EPYC: variants seen among roughly 807,000 people sequenced by gnomAD.
EPYC encodes dermatan sulfate proteoglycan 3.
A neutral mutation model predicts 30.1 loss-of-function variants in EPYC; 28 were observed. That is an observed-to-expected ratio of 0.93 (90% CI 0.69 to 1.28). The LOEUF (loss-of-function observed/expected upper bound fraction) is 1.28, where lower values mean the gene tolerates loss of function less well. Ranked by LOEUF, EPYC falls within the 50% of genes most tolerant of loss-of-function variation. The pLI is 0.00. For synonymous variants in EPYC, 144 were observed against 141.4 expected, an observed-to-expected ratio of 1.02 and a Z score of -0.13; for missense variants, 382 against 383.5, an observed-to-expected ratio of 1.00 and a Z score of 0.03.
intron 1 of EPYC, among the ~76,000 whole-genome samples, chr12:91,004,702 A>C (rs1053999992): frequency 6.6e-6 from 1 of 152,040 alleles, no homozygotes; most frequent in African/African-American, 2.4e-5. Flanking sequence ...AACTACTCTA[A>C]TTTTATTGGC....
intron 2 of EPYC, among the ~76,000 whole-genome samples, chr12:91,001,113 T>C (rs1047936427): frequency 1.3e-5 from 2 of 151,552 alleles, no homozygotes; most frequent in African/African-American, 4.9e-5. Flanking sequence ...AAAGATGAAA[T>C]GAGGGTCAAA....
At chr12:90,989,045 A>G (rs896176753) in intron 2 of EPYC, among the ~76,000 whole-genome samples, 5 of 152,128 alleles carry the variant, frequency 3.3e-5, no homozygotes, top group Admixed American at 6.6e-5. Flanking sequence ...TTCTGACACA[A>G]TACTTATTTC....
intron 3 of EPYC, among the ~76,000 whole-genome samples, chr12:90,973,230 A>G (rs1877098923): frequency 6.6e-6 from 1 of 152,184 alleles, no homozygotes; most frequent in African/African-American, 2.4e-5. Context: ...GAAATTCTAT[A>G]TTCAAAATTT....
chr12:91,004,486 T>G (rs889862538), intron 1 of EPYC, among the ~76,000 whole-genome samples: 1 of 152,092 alleles, frequency 6.6e-6, no homozygotes, highest in African/African-American at 2.4e-5. Context: ...ATTTTAAAAT[T>G]TGTGTATTTA....
chr12:91,002,462 G>A lies in EPYC; in HGVS notation c.104C>T (p.Ala35Val), dbSNP rs754678360. Reference protein sequence around the residue: ...SINYDSETYDATLEDLDNLYN... With the variant: ...SINYDSETYDVTLEDLDNLYN... ...CAAATTATCCAGGTCTTCTAAGGTG[G>A]CATCATAGGTTTCTGAGTCATAGTT... Residue 35 changes from alanine (A) to valine (V), a missense_variant, in exon 2 of 7, where the codon GCC becomes GTC. Transcript: ENST00000261172. The A allele has an allele frequency of 3.1e-6, 5 of 1,613,228 alleles. No individual in the cohort carries two copies. Among genetic ancestry groups the A allele is most frequent in the Non-Finnish European group, 4.2e-6 (5 of 1,179,534 alleles).
intron 2 of EPYC, among the ~76,000 whole-genome samples, chr12:90,980,813 G>A (rs953587643): frequency 6.6e-6 from 1 of 151,924 alleles, no homozygotes; most frequent in Non-Finnish European, 1.5e-5. Flanking sequence ...TTATTTGACT[G>A]CTTGTTTTAC....
chr12:90,989,477 T>G (rs1021552894), intron 2 of EPYC, among the ~76,000 whole-genome samples: 4 of 152,064 alleles, frequency 2.6e-5, no homozygotes, highest in Non-Finnish European at 1.5e-5. Flanking sequence ...TATTTTGTAT[T>G]GACTTGCTAG....
In EPYC at chr12:90,974,029, TACAC is replaced by T. The variant is rs200299078; in HGVS notation, c.341-1053_341-1050del. ...ACATACTGATTTTTCTTTTCTGTCT[TACAC>T]ACACTCACACACACACACACACACA... On this transcript the variant is annotated intron_variant, in intron 3 of 6. Transcript: ENST00000261172. Among the ~76,000 whole-genome samples the T allele has an allele frequency of 9.5e-3, 774 of 81,106 alleles. 7 individuals are homozygous for T. Among genetic ancestry groups the T allele is most frequent in the African/African-American group, 0.03 (727 of 23,890 alleles). The allele number at this position is 81,106 out of a possible 152,430, so 53.2% of individuals were successfully genotyped here.
chr12:90,994,855 T>G (rs964187320), intron 2 of EPYC, among the ~76,000 whole-genome samples: 9 of 152,160 alleles, frequency 5.9e-5, no homozygotes, highest in South Asian at 2.1e-4. Context: ...AGAATTAAGG[T>G]TTTCATTAAA....
intron 2 of EPYC, among the ~76,000 whole-genome samples, chr12:90,985,717 C>T (rs1182025956): frequency 1.3e-5 from 2 of 152,096 alleles, no homozygotes; most frequent in East Asian, 1.9e-4. Flanking sequence ...AAGGCAATCA[C>T]TGGAAGGTGC....
chr12:90,995,178 A>C (rs1920756), intron 2 of EPYC, among the ~76,000 whole-genome samples: 123,697 of 151,614 alleles, frequency 0.82, 50,742 homozygotes, highest in Non-Finnish European at 0.86. Context: ...CTGTATCTTA[A>C]GTTCTATTTT....
In EPYC at chr12:90,964,331, A is replaced by G. The variant is rs1415803908; in HGVS notation, c.799-5T>C. ...CATTTCCAGAATGTTGTTATTCTAA[A>G]AAAGATGAAAATAAATTATGACAAG... is the stretch of plus-strand genomic sequence containing the variant. On this transcript the variant is annotated splice_region_variant and splice_polypyrimidine_tract_variant and intron_variant, in intron 6 of 6. Transcript: ENST00000261172. 1 of 1,591,934 alleles carries G rather than the reference A, an allele frequency of 6.3e-7. No homozygotes were observed. The highest frequency in any genetic ancestry group is 1.3e-5 in the African/African-American group (1 of 74,498).
chr12:90,988,438 T>C (rs1414135950), intron 2 of EPYC, among the ~76,000 whole-genome samples: 1 of 152,108 alleles, frequency 6.6e-6, no homozygotes, highest in East Asian at 1.9e-4. Flanking sequence ...AAATATTAAA[T>C]TTGTTGAAAA....
chr12:90,978,666 C>T (rs1369285750), intron 2 of EPYC, among the ~76,000 whole-genome samples: 1 of 152,076 alleles, frequency 6.6e-6, no homozygotes, highest in Non-Finnish European at 1.5e-5. Flanking sequence ...CTCCCCTTTA[C>T]CATCCAGCTC....
At chr12:90,976,908 A>G (rs1204073707) in intron 3 of EPYC, among the ~76,000 whole-genome samples, 1 of 152,034 alleles carries the variant, frequency 6.6e-6, no homozygotes, top group Non-Finnish European at 1.5e-5. Context: ...GCCATGTAAG[A>G]TACGCCTTTT....
intron 2 of EPYC, among the ~76,000 whole-genome samples, chr12:91,000,516 T>A (rs1877797874): frequency 6.6e-6 from 1 of 152,084 alleles, no homozygotes; most frequent in African/African-American, 2.4e-5. Context: ...TGGTAAGGAA[T>A]GGGTTAAAAG....
chr12:90,997,775 A>G (rs1406142749), intron 2 of EPYC, among the ~76,000 whole-genome samples: 1 of 152,112 alleles, frequency 6.6e-6, no homozygotes, highest in Non-Finnish European at 1.5e-5. Flanking sequence ...TTCTTATAAT[A>G]ATTAGATAAC....
At position 90,971,913 on chromosome 12, in the gene EPYC, C is replaced by T. The variant is rs1204061161; in HGVS notation, c.589G>A (p.Val197Ile). 3 of 1,612,266 alleles carry T rather than the reference C, an allele frequency of 1.9e-6. No homozygotes were observed. Among genetic ancestry groups the T allele is most frequent in the Non-Finnish European group, 2.5e-6 (3 of 1,179,242 alleles). The change falls in exon 5 of 7, where the codon GTC becomes ATC. Residue 197 changes from valine (V) to isoleucine (I), a missense_variant. Val to Ile is a conservative substitution (Grantham distance 29, BLOSUM62 3). Coordinates refer to ENST00000261172, the MANE Select transcript of EPYC (RefSeq NM_004950.5). ...TGCCTTATTTTGTTGTCACGCAGGA[C>T]AAGCTCTCGAAGTTGAGGCAGTTTT... ...FRKLPQLREL[V>I]LRDNKIRQLP...
intron 2 of EPYC, among the ~76,000 whole-genome samples, chr12:90,987,794 G>T (rs919393282): frequency 1.3e-5 from 2 of 152,094 alleles, no homozygotes; most frequent in African/African-American, 4.8e-5. Flanking sequence ...TATGTGAATG[G>T]TGCTTCCTAG....
Sources: allele counts gnomAD v4.1 joint callset (sites outside exome capture counted in the v4.1 genomes callset), GRCh38; gene constraint gnomAD v4.1.1; transcripts MANE v1.5; gene names NCBI Gene and HGNC (gene_info 2026-07-23, HGNC 2026-07-21).